The following RAB11FIP4 variants were observed in gnomAD, a reference collection of about 807,000 sequenced individuals.
RAB11FIP4 encodes RAB11 family interacting protein 4, also known as rab11 family-interacting protein 4.
Under a neutral mutation model 74.3 loss-of-function variants are expected in RAB11FIP4, and 23 were observed. The observed-to-expected ratio is 0.31, with a 90% CI of 0.22 to 0.44. RAB11FIP4 has a LOEUF of 0.44. Among genes scored for constraint, RAB11FIP4 ranks in the 20% least tolerant of loss-of-function variants. The pLI is 1.00. For synonymous variants in RAB11FIP4, 360 were observed against 359.9 expected (o/e 1.00, Z 0.00); for missense variants, 630 against 863.9 (o/e 0.73, Z 3.39).
chr17:31,476,332 G>A (rs1261116487), intron 3 of RAB11FIP4, among the ~76,000 whole-genome samples: 5 of 151,872 alleles, frequency 3.3e-5, no homozygotes, highest in African/African-American at 7.3e-5. Flanking sequence ...TTACAGGCAC[G>A]TGCCATCACG....
intron 3 of RAB11FIP4, among the ~76,000 whole-genome samples, chr17:31,437,481 G>T (rs2151629945): frequency 6.6e-6 from 1 of 152,256 alleles, no homozygotes; most frequent in South Asian, 2.1e-4. Flanking sequence ...CTGAGAAGAA[G>T]CGGGTGCCTG....
intron 3 of RAB11FIP4, among the ~76,000 whole-genome samples, chr17:31,437,286 G>T (rs1812912353): frequency 1.3e-5 from 2 of 152,162 alleles, no homozygotes; most frequent in Non-Finnish European, 2.9e-5. Flanking sequence ...AGCCTGACGG[G>T]GCAGACGGCT....
chr17:31,466,413 G>C (rs1030804094), intron 3 of RAB11FIP4, among the ~76,000 whole-genome samples: 1 of 152,166 alleles, frequency 6.6e-6, no homozygotes, highest in African/African-American at 2.4e-5. Context: ...AAGGTGTTAT[G>C]AGGATTAAAT....
chr17:31,517,630 T>C (rs2072581824), intron 3 of RAB11FIP4, 21 bp from the exon 4 acceptor site: 3 of 1,579,342 alleles, frequency 1.9e-6, no homozygotes, highest in South Asian at 2.3e-5. Context: ...ACTTATCTTG[T>C]CTCTGCTCTC....
At position 31,434,048 on chromosome 17, in the gene RAB11FIP4, C is replaced by G. The variant is rs771748982; in HGVS notation, c.262C>G (p.Leu88Val). 6.3e-7 allele frequency: 1 copy of G among 1,585,344 alleles called. No individual in the cohort carries two copies. The highest frequency in any genetic ancestry group is 1.1e-5 in the South Asian group (1 of 87,312). The change falls in exon 3 of 15, where the codon CTG (leucine) becomes GTG (valine). Residue 88 changes from leucine (L) to valine (V), a missense_variant. Transcript: ENST00000621161. ...TGTCTGCGCAGGGTGCGAGGAGCTGCTGAAGGATGTGCTGTCGGTGGAGAG... is the reference window on the plus strand; with the variant it reads ...TGTCTGCGCAGGGTGCGAGGAGCTGGTGAAGGATGTGCTGTCGGTGGAGAG... ...VFAMKGCEEL[L>V]KDVLSVESAG...
chr17:31,516,288 G>A (rs1338046191), intron 3 of RAB11FIP4, among the ~76,000 whole-genome samples: 2 of 151,180 alleles, frequency 1.3e-5, no homozygotes, highest in African/African-American at 2.4e-5. Flanking sequence ...CCTAAAAGCT[G>A]TTCAGTGTGA....
intron 1 of RAB11FIP4, among the ~76,000 whole-genome samples, chr17:31,402,596 A>ATTTT (rs373118043): frequency 3.2e-4 from 30 of 95,206 alleles, no homozygotes; most frequent in Middle Eastern, 5.2e-3. Context: ...TATTTTATTT[A>ATTTT]TTTTTATTTA....
intron 3 of RAB11FIP4, among the ~76,000 whole-genome samples, chr17:31,486,554 A>G (rs2071904211): frequency 6.6e-6 from 1 of 152,244 alleles, no homozygotes; most frequent in Non-Finnish European, 1.5e-5. Flanking sequence ...CTGGGATTAC[A>G]GGCATGAGCC....
rs2151610268 is a variant in RAB11FIP4 at position 31,391,911 on chromosome 17, G to A, written c.59G>A (p.Arg20His). The change falls in exon 1 of 15, where the codon CGC becomes CAC. Residue 20 changes from arginine (R) to histidine (H), a missense_variant. Physicochemically the swap from Arg to His is conservative, Grantham distance 29. Transcript: ENST00000621161. ...GCGGCTCTGCTGCGCTCCGTGCGCC[G>A]CCTGCGCGAGGTGTTCGAGGTGTGC... is the stretch of plus-strand genomic sequence containing the variant. ...APAALLRSVR[R>H]LREVFEVCGR... 2 of 1,340,798 alleles carry A rather than the reference G, an allele frequency of 1.5e-6. No individual in the cohort carries two copies. The highest frequency in any genetic ancestry group is 1.8e-5 in the South Asian group (1 of 56,378). 83.1% of individuals were successfully genotyped at this position (1,340,798 alleles called of 1,614,324 possible).
At chr17:31,421,076 C>T (rs1052112531) in intron 1 of RAB11FIP4, among the ~76,000 whole-genome samples, 6 of 152,080 alleles carry the variant, frequency 3.9e-5, no homozygotes, top group Admixed American at 3.9e-4. Context: ...AAGAGCAAAA[C>T]TCCATCTCAA....
intron 3 of RAB11FIP4, among the ~76,000 whole-genome samples, chr17:31,516,303 G>A (rs527385971): frequency 1.3e-5 from 2 of 151,440 alleles, no homozygotes; most frequent in South Asian, 4.2e-4. Context: ...GTGTGACTGT[G>A]CCCTTACACC....
chr17:31,484,868 A>G (rs2071885554), intron 3 of RAB11FIP4, among the ~76,000 whole-genome samples: 1 of 152,206 alleles, frequency 6.6e-6, no homozygotes, highest in Non-Finnish European at 1.5e-5. Flanking sequence ...CAATAGTTCT[A>G]AAATACATAC....
chr17:31,517,997 T>G, intron 4 of RAB11FIP4, 120 bp downstream of exon 4: 1 of 732,064 alleles, frequency 1.4e-6, no homozygotes, highest in East Asian at 2.7e-5. Context: ...GAGGCATTAG[T>G]GTCATGGGTA....
chr17:31,423,823 T>G (rs2071222069), intron 1 of RAB11FIP4, among the ~76,000 whole-genome samples: 1 of 152,154 alleles, frequency 6.6e-6, no homozygotes, highest in African/African-American at 2.4e-5. Context: ...CCCTTCTTTC[T>G]GTGATGCCGC....
intron 3 of RAB11FIP4, among the ~76,000 whole-genome samples, chr17:31,454,602 G>C (rs2071561170): frequency 6.6e-6 from 1 of 152,044 alleles, no homozygotes; most frequent in Non-Finnish European, 1.5e-5. Flanking sequence ...TGGAAACTCA[G>C]TCAGGCGGCC....
intron 3 of RAB11FIP4, among the ~76,000 whole-genome samples, chr17:31,448,653 C>T (rs1012165211): frequency 6.6e-6 from 1 of 152,030 alleles, no homozygotes; most frequent in African/African-American, 2.4e-5. Context: ...GCTCCATGGG[C>T]AGGCTCCAGG....
chr17:31,426,223 GT>G (rs925693097), intron 1 of RAB11FIP4, among the ~76,000 whole-genome samples: 3 of 152,268 alleles, frequency 2.0e-5, no homozygotes, highest in Admixed American at 6.5e-5. Flanking sequence ...ACTCTCTGGG[GT>G]CAGTAAGACC....
At chr17:31,430,695 A>G (rs1567653113) in intron 1 of RAB11FIP4, among the ~76,000 whole-genome samples, 2 of 151,942 alleles carry the variant, frequency 1.3e-5, no homozygotes, top group Non-Finnish European at 1.5e-5. Context: ...TGGTGGAATG[A>G]TACTGGAAGG....
At chr17:31,413,239 A>G (rs970971785) in intron 1 of RAB11FIP4, among the ~76,000 whole-genome samples, 2 of 152,090 alleles carry the variant, frequency 1.3e-5, no homozygotes, top group Non-Finnish European at 2.9e-5. Context: ...CAGGGACCAC[A>G]GCTCAGAGTG....
Sources: gnomAD v4.1 joint callset for allele counts (sites outside exome capture counted in the v4.1 genomes callset) on GRCh38, gnomAD v4.1.1 for gene constraint, MANE v1.5 for transcripts, NCBI Gene and HGNC (gene_info 2026-07-23, HGNC 2026-07-21) for gene names.